The following GMDS variants were observed in gnomAD, a reference collection of about 807,000 sequenced individuals.
GMDS encodes GDP-mannose 4,6-dehydratase.
GMDS carries 20 observed loss-of-function variants against 49.9 expected under a neutral mutation model. The observed-to-expected ratio is 0.40, with a 90% CI of 0.28 to 0.58. The LOEUF (loss-of-function observed/expected upper bound fraction) is 0.58. GMDS is among the 20% of genes least tolerant of loss of function. The pLI is 0.42. For synonymous variants in GMDS, 177 were observed against 178.6 expected, an observed-to-expected ratio of 0.99 and a Z score of 0.07; for missense variants, 362 against 481.4, an observed-to-expected ratio of 0.75 and a Z score of 2.32.
At chr6:1,919,332 T>C (rs1761592529) in intron 7 of GMDS, among the ~76,000 whole-genome samples, 1 of 152,222 alleles carries the variant, frequency 6.6e-6, no homozygotes, top group Admixed American at 6.5e-5. Context: ...TCAAATATTT[T>C]ACATAACTCT....
intron 4 of GMDS, among the ~76,000 whole-genome samples, chr6:2,093,939 G>C (rs1381480287): frequency 1.3e-5 from 2 of 152,192 alleles, no homozygotes; most frequent in African/African-American, 2.4e-5. Context: ...GTGGGAGACA[G>C]ATTTCTCAAG....
chr6:2,209,605 G>C (rs67069589), intron 1 of GMDS, among the ~76,000 whole-genome samples: 3 of 120,342 alleles, frequency 2.5e-5, no homozygotes, highest in Non-Finnish European at 5.3e-5. Flanking sequence ...ACACACACAC[G>C]TTCTCTCTCT....
At chr6:1,889,012 G>T (rs563696545) in intron 7 of GMDS, among the ~76,000 whole-genome samples, 1 of 152,306 alleles carries the variant, frequency 6.6e-6, no homozygotes, top group South Asian at 2.1e-4. Context: ...TCCCAAAGGA[G>T]GGCTGGGATT....
chr6:1,893,287 G>A (rs969888916), intron 7 of GMDS, among the ~76,000 whole-genome samples: 4 of 146,054 alleles, frequency 2.7e-5, no homozygotes, highest in Admixed American at 7.0e-5. Flanking sequence ...TCCACCTCCC[G>A]GGTTCAAGCC....
intron 7 of GMDS, among the ~76,000 whole-genome samples, chr6:1,916,341 T>G (rs1761395839): frequency 6.6e-6 from 1 of 150,496 alleles, no homozygotes; most frequent in African/African-American, 2.4e-5. Context: ...CGTGCGGGGG[T>G]GGGGGGCTGT....
intron 1 of GMDS, among the ~76,000 whole-genome samples, chr6:2,160,351 A>G (rs1417265685): frequency 6.6e-6 from 1 of 152,200 alleles, no homozygotes; most frequent in African/African-American, 2.4e-5. Flanking sequence ...CTAACATTTA[A>G]TCTTCACTAA....
At chr6:1,940,477 T>C (rs139053545) in intron 6 of GMDS, among the ~76,000 whole-genome samples, 67 of 152,352 alleles carry the variant, frequency 4.4e-4, no homozygotes, top group African/African-American at 1.6e-3. Flanking sequence ...GCCTGGGCCA[T>C]GGCTCAGTGG....
chr6:2,048,930 G>A (rs1415212831), intron 4 of GMDS, among the ~76,000 whole-genome samples: 1 of 152,156 alleles, frequency 6.6e-6, no homozygotes, highest in East Asian at 1.9e-4. Context: ...GATGGAGATG[G>A]GCCTTTGGGA....
At chr6:1,994,311 A>AT (rs1307893273) in intron 4 of GMDS, among the ~76,000 whole-genome samples, 1 of 152,210 alleles carries the variant, frequency 6.6e-6, no homozygotes, top group African/African-American at 2.4e-5. Context: ...GAAAGTTAGT[A>AT]TGTGAAAGTA....
chr6:1,900,010 G>A (rs1760418415), intron 7 of GMDS, among the ~76,000 whole-genome samples: 2 of 151,794 alleles, frequency 1.3e-5, no homozygotes, highest in African/African-American at 2.4e-5. Context: ...ACAGGGCACC[G>A]TGTTGTTAGC....
chr6:1,722,260 A>ATTATATTATTATTATTT (rs59203891), intron 9 of GMDS, among the ~76,000 whole-genome samples: 3 of 140,860 alleles, frequency 2.1e-5, no homozygotes, highest in African/African-American at 5.2e-5. Flanking sequence ...TAGTAGTAGT[A>ATTATATTATTATTATTT]GTATTTTTAG....
In GMDS at chr6:1,915,728, T is replaced by C. The variant is rs1183804037; in HGVS notation, c.771+14375A>G. ...GGGCCAGACTCAGCAAGCCTCTCTC[T>C]CTATGCCTTATGTTTTCCCTCTAGT... On this transcript the variant is annotated intron_variant, in intron 7 of 10. Transcript: ENST00000380815. Among the ~76,000 whole-genome samples, 3 of 152,224 alleles carry C rather than the reference T, an allele frequency of 2.0e-5. No homozygotes were observed. The South Asian group carries it at 6.2e-4, about 31-fold the overall frequency.
At chr6:1,928,696 C>T (rs769911598) in intron 7 of GMDS, among the ~76,000 whole-genome samples, 1 of 152,062 alleles carries the variant, frequency 6.6e-6, no homozygotes, top group Non-Finnish European at 1.5e-5. Context: ...AGGCTGGGCA[C>T]GGTGGCTCAT....
intron 1 of GMDS, among the ~76,000 whole-genome samples, chr6:2,171,062 A>G (rs766106795): frequency 2.6e-5 from 4 of 152,192 alleles, no homozygotes; most frequent in Admixed American, 2.6e-4. Context: ...ACCTTTAAAT[A>G]TCTGTCAATC....
chr6:2,051,908 G>A (rs1770420208), intron 4 of GMDS, among the ~76,000 whole-genome samples: 1 of 151,984 alleles, frequency 6.6e-6, no homozygotes, highest in African/African-American at 2.4e-5. Flanking sequence ...CACGAGGTCA[G>A]GAGTTCAAGA....
chr6:2,134,820 C>G (rs1020298516), intron 1 of GMDS, among the ~76,000 whole-genome samples: 4 of 152,178 alleles, frequency 2.6e-5, no homozygotes, highest in Non-Finnish European at 5.9e-5. Flanking sequence ...TATACTATAA[C>G]ATACATTCTT....
At position 1,826,154 on chromosome 6, in the gene GMDS, T is replaced by C. The variant is rs115381265; in HGVS notation, c.772-83568A>G. 3.6e-3 allele frequency among the ~76,000 whole-genome samples: 548 copies of C among 152,328 alleles called. 1 individual carries two copies. Among genetic ancestry groups the C allele is most frequent in the African/African-American group, 0.013 (523 of 41,548 alleles). On this transcript the variant is annotated intron_variant, in intron 7 of 10. Transcript: ENST00000380815. ...GAAGGCCTAGGACATGACTGCACAC[T>C]ACTGTAGAATTTGTAAACACTGTAC...
intron 4 of GMDS, among the ~76,000 whole-genome samples, chr6:2,060,012 A>T (rs987138787): frequency 2.6e-5 from 4 of 151,126 alleles, no homozygotes; most frequent in Non-Finnish European, 5.9e-5. Context: ...TTTCAAAATT[A>T]AAAAAAATAC....
chr6:1,844,578 T>C (rs1033429830), intron 7 of GMDS, among the ~76,000 whole-genome samples: 4 of 152,202 alleles, frequency 2.6e-5, no homozygotes, highest in Non-Finnish European at 5.9e-5. Flanking sequence ...TCTGAGAAAA[T>C]ATTTCAAAAC....
Sources: allele counts gnomAD v4.1 joint callset (sites outside exome capture counted in the v4.1 genomes callset), GRCh38; gene constraint gnomAD v4.1.1; transcripts MANE v1.5; gene names NCBI Gene and HGNC (gene_info 2026-07-23, HGNC 2026-07-21).